Variants in CNTLN observed in about 807,000 individuals in gnomAD.
The protein encoded by CNTLN is centlein, also known as centlein, centrosomal protein.
Under a neutral mutation model 180.0 loss-of-function variants are expected in CNTLN, and 212 were observed. The ratio of observed to expected loss-of-function variants is 1.18; its 90% CI spans 1.05 to 1.32. The LOEUF is 1.32. Among genes scored for constraint, CNTLN ranks in the 40% most tolerant of loss-of-function variants. CNTLN has a pLI of 0.00. For synonymous variants in CNTLN, 722 were observed against 563.1 expected (o/e 1.28, Z -3.99); for missense variants, 2,095 against 1,610.9 (o/e 1.30, Z -5.14).
At chr9:17,288,277 T>C (rs1221746590) in intron 6 of CNTLN, among the ~76,000 whole-genome samples, 1 of 116,762 alleles carries the variant, frequency 8.6e-6, no homozygotes, top group Non-Finnish European at 1.7e-5. Flanking sequence ...CCAGTAGTCA[T>C]TCAGGAGCAG....
intron 12 of CNTLN, among the ~76,000 whole-genome samples, chr9:17,359,727 A>AAAAAAAAAAAAAAAAAACAAAAC (rs1466651148): frequency 1.1e-5 from 1 of 90,132 alleles, no homozygotes; most frequent in African/African-American, 4.4e-5. Context: ...TAAAAATACA[A>AAAAAAAAAAAAAAAAAACAAAAC]AAAAAAAAAA....
intron 14 of CNTLN, among the ~76,000 whole-genome samples, chr9:17,388,498 G>T (rs1248457736): frequency 6.6e-6 from 1 of 151,958 alleles, no homozygotes; most frequent in Non-Finnish European, 1.5e-5. Context: ...GAAATGGAGA[G>T]AATGAGAAAA....
rs560650700 is a variant in CNTLN at position 17,487,073 on chromosome 9, C to T, written c.4119+7C>T. 264 of 1,569,040 alleles carry T rather than the reference C, an allele frequency of 1.7e-4. No individual in the cohort carries two copies. Among genetic ancestry groups the T allele is most frequent in the Non-Finnish European group, 2.2e-4 (251 of 1,141,262 alleles). ...GAAACTTCTTGAAGGACAGGTATTT[C>T]ATTTTTCTGTTTCATATATTAAGCT... On this transcript the variant is annotated splice_region_variant and intron_variant, in intron 25 of 25. Coordinates refer to ENST00000380647, the MANE Select transcript of CNTLN (RefSeq NM_017738.4).
chr9:17,135,317 G>T lies in CNTLN; in HGVS notation c.252G>T (p.Met84Ile), dbSNP rs200028190. 163 of 1,602,712 alleles carry T rather than the reference G, an allele frequency of 1.0e-4. No individual in the cohort carries two copies. Among genetic ancestry groups the T allele is most frequent in the Non-Finnish European group, 1.3e-4 (152 of 1,175,506 alleles). The part of the protein sequence containing the change: ...PAHAPLLSAP[M>I]GSRRLEGISV... ...ATGCTCCCCTCCTCAGCGCGCCCAT[G>T]GGGTCCAGACGGCTAGAGGGCATCT... Residue 84 changes from methionine (M) to isoleucine (I), a missense_variant, in exon 1 of 26, where the codon ATG becomes ATT. By Grantham distance (10) the Met-to-Ile change is conservative. Transcript: ENST00000380647.
intron 13 of CNTLN, among the ~76,000 whole-genome samples, chr9:17,386,879 A>G (rs559567812): frequency 6.6e-6 from 1 of 152,344 alleles, no homozygotes; most frequent in African/African-American, 2.4e-5. Flanking sequence ...GAAAGGATGA[A>G]TTGTATTTGC....
At position 17,249,386 on chromosome 9, in the gene CNTLN, T is replaced by A. The variant is rs1587332412; in HGVS notation, c.849+12798T>A. 1.4e-5 allele frequency among the ~76,000 whole-genome samples: 2 copies of A among 146,458 alleles called. 1 individual carries two copies. Among genetic ancestry groups the A allele is most frequent in the Middle Eastern group, 7.4e-3 (2 of 270 alleles). ...TTTTTTGAGCTGGAGTCTCGCTCTA[T>A]CACCCAGGCTGGAGTGCAGTGGTGC... On this transcript the variant is annotated intron_variant, in intron 5 of 25. Coordinates refer to ENST00000380647, the MANE Select transcript of CNTLN (RefSeq NM_017738.4).
chr9:17,162,246 C>T (rs1819732775), intron 2 of CNTLN, among the ~76,000 whole-genome samples: 1 of 152,136 alleles, frequency 6.6e-6, no homozygotes, highest in South Asian at 2.1e-4. Context: ...TCCTGAGTAA[C>T]TGGGACTACA....
intron 1 of CNTLN, among the ~76,000 whole-genome samples, chr9:17,140,138 G>A (rs1342460550): frequency 6.6e-6 from 1 of 152,044 alleles, no homozygotes; most frequent in Non-Finnish European, 1.5e-5. Context: ...GTTTTTTCGG[G>A]GGGGGACTTT....
intron 3 of CNTLN, among the ~76,000 whole-genome samples, chr9:17,234,546 C>A (rs1361795267): frequency 1.3e-5 from 2 of 152,108 alleles, no homozygotes; most frequent in African/African-American, 4.8e-5. Context: ...CTCTCATTTT[C>A]AGTTTATTCC....
At chr9:17,220,067 C>T (rs925997252) in intron 2 of CNTLN, among the ~76,000 whole-genome samples, 7 of 152,008 alleles carry the variant, frequency 4.6e-5, no homozygotes, top group African/African-American at 1.4e-4. Flanking sequence ...CCTTGTTAAA[C>T]ACAGATTGCT....
At chr9:17,387,330 C>T (rs1381899819) in intron 13 of CNTLN, among the ~76,000 whole-genome samples, 1 of 152,034 alleles carries the variant, frequency 6.6e-6, no homozygotes, top group Non-Finnish European at 1.5e-5. Flanking sequence ...TTTTTGTCCC[C>T]TTTTTATTCC....
chr9:17,216,351 C>A (rs1220486744), intron 2 of CNTLN, among the ~76,000 whole-genome samples: 1 of 152,096 alleles, frequency 6.6e-6, no homozygotes, highest in Non-Finnish European at 1.5e-5. Context: ...CTTGTTAATA[C>A]TTTTTTCTTG....
At chr9:17,407,548 G>C (rs1217529069) in intron 15 of CNTLN, among the ~76,000 whole-genome samples, 2 of 152,038 alleles carry the variant, frequency 1.3e-5, no homozygotes, top group African/African-American at 4.8e-5. Flanking sequence ...ATGCCTACAG[G>C]GTAGTTTATT....
chr9:17,356,077 A>AAAAAAAAG (rs1564023843), intron 12 of CNTLN, among the ~76,000 whole-genome samples: 1 of 64,178 alleles, frequency 1.6e-5, no homozygotes. Flanking sequence ...AAAAAAAAAA[A>AAAAAAAAG]AAAAGAAAAA....
chr9:17,192,918 C>G lies in CNTLN; in HGVS notation c.450-33285C>G, dbSNP rs77293619. Among the ~76,000 whole-genome samples, 1,684 of 152,258 alleles carry G rather than the reference C, an allele frequency of 0.011. 122 individuals carry two copies. The East Asian group carries it at 0.21, about 19-fold the overall frequency. On this transcript the variant is annotated intron_variant, in intron 2 of 25. Coordinates refer to ENST00000380647, the MANE Select transcript of CNTLN (RefSeq NM_017738.4). ...AGAAAAAGCAGTTCAGTTGGACTTA[C>G]AGTTCCACATGGCTGGGGAGGCCTC...
intron 25 of CNTLN, among the ~76,000 whole-genome samples, chr9:17,494,432 T>C (rs556993472): frequency 1.1e-4 from 16 of 152,250 alleles, no homozygotes; most frequent in African/African-American, 3.4e-4. Context: ...TAAACTCATG[T>C]CGTGGGGGTT....
At chr9:17,216,098 G>A (rs187286601) in intron 2 of CNTLN, among the ~76,000 whole-genome samples, 37 of 152,204 alleles carry the variant, frequency 2.4e-4, no homozygotes, top group African/African-American at 7.9e-4. Flanking sequence ...AGTTGAACCC[G>A]TTACCTCAGT....
intron 12 of CNTLN, among the ~76,000 whole-genome samples, chr9:17,348,149 C>G (rs115950087): frequency 1.3e-5 from 2 of 151,966 alleles, no homozygotes; most frequent in African/African-American, 4.8e-5. Context: ...TTTATGATAA[C>G]GCACTGAGTA....
intron 16 of CNTLN, among the ~76,000 whole-genome samples, chr9:17,411,613 C>T (rs552281956): frequency 2.0e-5 from 3 of 152,278 alleles, no homozygotes; most frequent in East Asian, 3.9e-4. Flanking sequence ...GCCATTGTTA[C>T]GGCCTGAGCT....
Sources: gnomAD v4.1 joint callset for allele counts (sites outside exome capture counted in the v4.1 genomes callset) on GRCh38, gnomAD v4.1.1 for gene constraint, MANE v1.5 for transcripts, NCBI Gene and HGNC (gene_info 2026-07-23, HGNC 2026-07-21) for gene names.